The following CRHBP variants were observed in gnomAD, a reference collection of about 807,000 sequenced individuals.
CRHBP encodes corticotropin-releasing hormone-binding protein.
A neutral mutation model predicts 34.9 loss-of-function variants in CRHBP; 19 were observed. The observed-to-expected ratio is 0.55, with a 90% CI of 0.38 to 0.80. The LOEUF (loss-of-function observed/expected upper bound fraction) is 0.80. Among genes scored for constraint, CRHBP ranks in the 30% least tolerant of loss-of-function variants. The pLI, the probability that CRHBP is intolerant of heterozygous loss-of-function variation, is 0.00. For missense variants in CRHBP, 328 were observed against 409.2 expected, an observed-to-expected ratio of 0.80 and a Z score of 1.71; for synonymous variants, 154 against 153.4, an observed-to-expected ratio of 1.00 and a Z score of -0.03.
intron 3 of CRHBP, among the ~76,000 whole-genome samples, chr5:76,979,600 C>T (rs1746089175): frequency 6.6e-6 from 1 of 152,186 alleles, no homozygotes; most frequent in Non-Finnish European, 1.5e-5. Context: ...CCGCCTGTCT[C>T]AGCCTCCCAA....
intron 4 of CRHBP, among the ~76,000 whole-genome samples, chr5:76,956,803 A>G (rs930543572): frequency 1.3e-5 from 2 of 152,226 alleles, no homozygotes; most frequent in African/African-American, 2.4e-5. Context: ...AAAAAATTAG[A>G]AAAGGAACAC....
downstream of CRHBP, among the ~76,000 whole-genome samples, chr5:76,973,156 ATAGCACTAT>A (rs1745974323): frequency 6.6e-6 from 1 of 152,224 alleles, no homozygotes; most frequent in African/African-American, 2.4e-5. Context: ...ATAAATATAT[ATAGCACTAT>A]TATCATACTT....
chr5:76,980,174 G>A (rs1746098346), intron 3 of CRHBP, among the ~76,000 whole-genome samples: 1 of 148,484 alleles, frequency 6.7e-6, no homozygotes. Context: ...AGAATGGCGT[G>A]AACCCGGGAG....
At chr5:76,967,932 C>T (rs974934444) in intron 6 of CRHBP, among the ~76,000 whole-genome samples, 3 of 151,958 alleles carry the variant, frequency 2.0e-5, no homozygotes, top group Non-Finnish European at 2.9e-5. Context: ...CTCCTGACCT[C>T]GTGATCCACC....
Position 76,953,609 on chromosome 5 carries a change from A to G in CRHBP, c.90A>G (p.Glu30=). The G allele has an allele frequency of 1.2e-6, 2 of 1,612,932 alleles. No homozygotes were observed. The highest frequency in any genetic ancestry group is 2.2e-5 in the East Asian group (1 of 44,826). ...RGESRYLELR[E]AADYDPFLLF... Reference sequence around the variant, plus strand: ...CCTATGTTTCTTGCCAGCTGAGGGAAGCGGCGGACTACGATCCTTTCCTGC... The same window carrying G: ...CCTATGTTTCTTGCCAGCTGAGGGAGGCGGCGGACTACGATCCTTTCCTGC... The change falls in exon 2 of 7, where the codon GAA becomes GAG. Residue 30 remains glutamate (E), a synonymous_variant. Transcript: ENST00000274368.
Position 76,953,470 on chromosome 5 carries a change from C to T in CRHBP, c.82-131C>T, listed in dbSNP as rs533995532. ...GGGTCTAAGACCTTCCCGTCTTCTC[C>T]GGACACGGGAAAACATTACCCCTCT... On this transcript the variant is annotated intron_variant, in intron 1 of 6. Transcript: ENST00000274368. 265 of 1,050,968 alleles carry T rather than the reference C, an allele frequency of 2.5e-4. 1 individual carries two copies. In the African/African-American group the frequency reaches 3.4e-3, roughly 13 times the overall value. 65.1% of individuals were successfully genotyped at this position (1,050,968 alleles called of 1,614,324 possible).
At chr5:76,953,900 C>A in intron 2 of CRHBP, 129 bp from the exon 3 acceptor site, 1 of 1,278,162 alleles carries the variant, frequency 7.8e-7, no homozygotes, top group Non-Finnish European at 1.1e-6. Flanking sequence ...CCCAGCGCAG[C>A]CTAGGCTGGA....
At position 76,955,726 on chromosome 5, in the gene CRHBP, G is replaced by C. The variant is rs774432530; in HGVS notation, c.407G>C (p.Arg136Pro). The C allele has an allele frequency of 6.2e-7, 1 of 1,614,180 alleles. No individual in the cohort carries two copies. The highest frequency in any genetic ancestry group is 1.3e-5 in the African/African-American group (1 of 75,028). ...GATCATCCTCTCCCCTCAGCTGAGC[G>C]GTACATAGATTTCTGTGAGAGTGGT... ...SQDHPLPSAE[R>P]YIDFCESGLS... is the part of the protein sequence containing the mutation. Residue 136 changes from arginine (R) to proline (P), a missense_variant, in exon 4 of 7, where the codon CGG (arginine) becomes CCG (proline). Arg to Pro is a moderately radical substitution (Grantham distance 103). Transcript: ENST00000274368.
At chr5:76,963,168 T>C (rs186412917) in intron 5 of CRHBP, 175 bp from the exon 6 acceptor site, 481 of 577,564 alleles carry the variant, frequency 8.3e-4, no homozygotes, top group Non-Finnish European at 1.3e-3. Flanking sequence ...GCAATTTTTA[T>C]GATTTTTTCT....
intron 3 of CRHBP, among the ~76,000 whole-genome samples, chr5:76,979,244 C>T (rs1021672819): frequency 2.0e-5 from 3 of 151,894 alleles, no homozygotes; most frequent in Non-Finnish European, 4.4e-5. Context: ...AATCACAGCT[C>T]ACTGCAACCT....
At chr5:76,974,297 G>A (rs1156430418), downstream of CRHBP, among the ~76,000 whole-genome samples, 1 of 151,514 alleles carries the variant, frequency 6.6e-6, no homozygotes, top group Admixed American at 6.6e-5. Context: ...GATTACAGGC[G>A]TGAGCCACGG....
At chr5:76,960,952 A>G (rs980694100) in intron 5 of CRHBP, among the ~76,000 whole-genome samples, 1 of 151,962 alleles carries the variant, frequency 6.6e-6, no homozygotes, top group Non-Finnish European at 1.5e-5. Context: ...TATTTTTAGT[A>G]GAGACAGGGT....
At chr5:76,958,038 A>G (rs1270287582) in intron 4 of CRHBP, among the ~76,000 whole-genome samples, 1 of 151,994 alleles carries the variant, frequency 6.6e-6, no homozygotes, top group East Asian at 1.9e-4. Flanking sequence ...ACATGTCTGT[A>G]GTCCCAGCTA....
At chr5:76,959,001 C>G (rs1192383097) in intron 5 of CRHBP, 112 bp downstream of exon 5, 12 of 1,046,964 alleles carry the variant, frequency 1.1e-5, no homozygotes, top group Non-Finnish European at 1.6e-5. Flanking sequence ...GTACGTTGCT[C>G]TGATGAACTC....
rs1053989 is a variant in CRHBP, at chr5:76,969,210, C to A, written c.*325C>A. On this transcript the variant is annotated 3_prime_UTR_variant, in exon 7 of 7. Coordinates refer to ENST00000274368, the MANE Select transcript of CRHBP (RefSeq NM_001882.4). The stretch of plus-strand genomic sequence containing the variant: ...GACAAGCACAAAGCAACGTGCAATA[C>A]AAAAATCGTATCTCAAGGGAAAATA... 0.48 allele frequency: 97,096 copies of A among 203,854 alleles called. 25,328 individuals are homozygous for A. Among genetic ancestry groups the A allele is most frequent in the African/African-American group, 0.73 (31,708 of 43,554 alleles). 12.6% of individuals were successfully genotyped at this position (203,854 alleles called of 1,614,324 possible). A position where few individuals can be genotyped will look rare whatever the true frequency, so the allele number is the denominator to read the frequency against.
chr5:76,980,276 A>G (rs1038863909), intron 3 of CRHBP, among the ~76,000 whole-genome samples: 22 of 135,038 alleles, frequency 1.6e-4, no homozygotes, highest in Middle Eastern at 4.5e-3. Context: ...AAAAAAAAAA[A>G]AGAAAGCAGT....
intron 6 of CRHBP, among the ~76,000 whole-genome samples, chr5:76,967,021 T>G (rs989982276): frequency 6.6e-6 from 1 of 152,158 alleles, no homozygotes; most frequent in African/African-American, 2.4e-5. Flanking sequence ...AGCGGGCACA[T>G]CACTTGAGGT....
At chr5:76,969,756 G>A (rs1346094622), downstream of CRHBP, among the ~76,000 whole-genome samples, 1 of 152,098 alleles carries the variant, frequency 6.6e-6, no homozygotes, top group Non-Finnish European at 1.5e-5. Flanking sequence ...TACAAAGACA[G>A]CAAGGACCTT....
At chr5:76,976,596 C>T (rs1746038200) in intron 3 of CRHBP, 3 of 152,276 alleles carry the variant, frequency 2.0e-5, no homozygotes, top group South Asian at 2.1e-4. Context: ...AGCTTCGTTA[C>T]GTGTCAGGTA....
Sources: gnomAD v4.1 joint callset for allele counts (sites outside exome capture counted in the v4.1 genomes callset) on GRCh38, gnomAD v4.1.1 for gene constraint, MANE v1.5 for transcripts, NCBI Gene and HGNC (gene_info 2026-07-23, HGNC 2026-07-21) for gene names.